The following SCAPER variants were observed in gnomAD, a reference collection of about 807,000 sequenced individuals.
The protein encoded by SCAPER is S-phase cyclin A associated protein in the ER, also known as S phase cyclin A-associated protein in the endoplasmic reticulum.
Under a neutral mutation model 182.2 loss-of-function variants are expected in SCAPER, and 98 were observed. That is an observed-to-expected ratio of 0.54 (90% CI 0.46 to 0.64). The LOEUF is 0.64. SCAPER is among the 30% of genes least tolerant of loss of function. SCAPER has a pLI of 0.00. For synonymous variants in SCAPER, 605 were observed against 564.6 expected (o/e 1.07, Z -1.01); for missense variants, 1,432 against 1,690.0 (o/e 0.85, Z 2.68).
At chr15:76,380,015 T>C (rs936920862) in intron 28 of SCAPER, 1 of 152,190 alleles carries the variant, frequency 6.6e-6, no homozygotes, top group Non-Finnish European at 1.5e-5. Flanking sequence ...TTTTAGATAT[T>C]TGCTATTCCA....
At chr15:76,669,414 A>C (rs1039242909) in intron 20 of SCAPER, among the ~76,000 whole-genome samples, 5 of 152,206 alleles carry the variant, frequency 3.3e-5, no homozygotes, top group Admixed American at 3.3e-4. Context: ...CTTTCTTTTC[A>C]AAGAAAGAAA....
chr15:76,744,724 C>T (rs2061706965), intron 15 of SCAPER, among the ~76,000 whole-genome samples: 1 of 152,144 alleles, frequency 6.6e-6, no homozygotes, highest in Admixed American at 6.5e-5. Flanking sequence ...CGCAGTGTGG[C>T]AATTTCTGAA....
intron 17 of SCAPER, among the ~76,000 whole-genome samples, chr15:76,714,238 T>A (rs1229217681): frequency 6.6e-6 from 1 of 152,140 alleles, no homozygotes; most frequent in Admixed American, 6.6e-5. Flanking sequence ...GGATATATTA[T>A]CTTGATTGTG....
At chr15:76,558,412 G>C (rs1308802899) in intron 23 of SCAPER, among the ~76,000 whole-genome samples, 1 of 152,124 alleles carries the variant, frequency 6.6e-6, no homozygotes, top group Non-Finnish European at 1.5e-5. Context: ...CTAACCATTA[G>C]AGAAATCCAT....
At chr15:76,624,340 C>A (rs1438648648) in intron 21 of SCAPER, among the ~76,000 whole-genome samples, 2 of 152,006 alleles carry the variant, frequency 1.3e-5, no homozygotes, top group East Asian at 1.9e-4. Context: ...TACATTTAAA[C>A]CAAGGAAGTG....
At chr15:76,665,467 G>A (rs1454736643) in intron 21 of SCAPER, among the ~76,000 whole-genome samples, 186 bp downstream of exon 21, 1 of 152,118 alleles carries the variant, frequency 6.6e-6, no homozygotes, top group African/African-American at 2.4e-5. Flanking sequence ...TGAAAGCAAG[G>A]GCTTTAGATC....
intron 21 of SCAPER, among the ~76,000 whole-genome samples, chr15:76,628,209 A>T (rs1008295318): frequency 6.6e-6 from 1 of 151,894 alleles, no homozygotes; most frequent in Non-Finnish European, 1.5e-5. Flanking sequence ...GATTGCAAAA[A>T]TTTTCTCCCA....
At chr15:76,792,764 T>C (rs1250369901) in intron 8 of SCAPER, among the ~76,000 whole-genome samples, 1 of 152,230 alleles carries the variant, frequency 6.6e-6, no homozygotes, top group Non-Finnish European at 1.5e-5. Context: ...TTGGATACTT[T>C]AGTTTCAGCT....
intron 14 of SCAPER, among the ~76,000 whole-genome samples, chr15:76,759,632 A>G (rs184121664): frequency 9.1e-4 from 139 of 152,308 alleles, no homozygotes; most frequent in Non-Finnish European, 1.6e-3. Flanking sequence ...GTGTGGAGTA[A>G]AGTTCCTTCT....
At chr15:76,881,551 T>C (rs141990070) in intron 2 of SCAPER, among the ~76,000 whole-genome samples, 99 of 152,282 alleles carry the variant, frequency 6.5e-4, no homozygotes, top group African/African-American at 2.2e-3. Context: ...TATTCAGTCT[T>C]AAAGAGGAGG....
intron 2 of SCAPER, among the ~76,000 whole-genome samples, chr15:76,875,489 C>A (rs1210537521): frequency 6.6e-6 from 1 of 152,054 alleles, no homozygotes; most frequent in African/African-American, 2.4e-5. Context: ...GCTAAAAATA[C>A]AAAACTTAGC....
At position 76,664,920 on chromosome 15, in the gene SCAPER, T is replaced by C. The variant is rs143001932; in HGVS notation, c.2645+733A>G. The stretch of plus-strand genomic sequence containing the variant: ...GAGATAACTGCACTGTTCACTATTA[T>C]TGTACGTTCTATATTCCTATAATCC... On this transcript the variant is annotated intron_variant, in intron 21 of 31. Coordinates refer to ENST00000563290, the MANE Select transcript of SCAPER (RefSeq NM_020843.4). Among the ~76,000 whole-genome samples the C allele has an allele frequency of 5.4e-3, 815 of 152,294 alleles. 12 individuals are homozygous for C. The highest frequency in any genetic ancestry group is 0.018 in the African/African-American group (757 of 41,564).
At chr15:76,798,981 C>A (rs1438368367) in intron 7 of SCAPER, among the ~76,000 whole-genome samples, 1 of 152,120 alleles carries the variant, frequency 6.6e-6, no homozygotes, top group Non-Finnish European at 1.5e-5. Flanking sequence ...GAAAACTATA[C>A]AGGTAACCAC....
chr15:76,766,040 T>A (rs928410722), intron 11 of SCAPER, among the ~76,000 whole-genome samples: 1 of 152,110 alleles, frequency 6.6e-6, no homozygotes, highest in African/African-American at 2.4e-5. Context: ...AACATATATA[T>A]CCTAAGCACT....
At chr15:76,639,689 T>TC (rs2053943907) in intron 21 of SCAPER, among the ~76,000 whole-genome samples, 1 of 146,966 alleles carries the variant, frequency 6.8e-6, no homozygotes, top group Non-Finnish European at 1.5e-5. Flanking sequence ...GTTGCTAATG[T>TC]CCCCCCACCA....
chr15:76,801,879 A>G (rs1484143874), intron 6 of SCAPER, among the ~76,000 whole-genome samples: 1 of 151,456 alleles, frequency 6.6e-6, no homozygotes, highest in Admixed American at 6.6e-5. Context: ...ACTGCACTCC[A>G]GCCTGGGTTA....
chr15:76,538,826 TG>T (rs2044455580), intron 23 of SCAPER, among the ~76,000 whole-genome samples: 1 of 152,128 alleles, frequency 6.6e-6, no homozygotes, highest in Non-Finnish European at 1.5e-5. Context: ...GCATATACAA[TG>T]GTATAGACAG....
intron 7 of SCAPER, among the ~76,000 whole-genome samples, chr15:76,796,873 G>A (rs2065366623): frequency 1.3e-5 from 2 of 152,024 alleles, no homozygotes; most frequent in Admixed American, 1.3e-4. Context: ...ACCTTTAAAG[G>A]CAATACTACC....
chr15:76,473,640 T>A (rs1348297632), intron 24 of SCAPER, among the ~76,000 whole-genome samples: 1 of 152,112 alleles, frequency 6.6e-6, no homozygotes, highest in African/African-American at 2.4e-5. Context: ...GAAATGCAAA[T>A]TCTCAAGCTC....
Sources: gnomAD v4.1 joint callset for allele counts (sites outside exome capture counted in the v4.1 genomes callset) on GRCh38, gnomAD v4.1.1 for gene constraint, MANE v1.5 for transcripts, NCBI Gene and HGNC (gene_info 2026-07-23, HGNC 2026-07-21) for gene names.